The following DAGLB variants were observed in gnomAD, a reference collection of about 807,000 sequenced individuals.
DAGLB encodes the protein diacylglycerol lipase-beta.
A neutral mutation model predicts 72.1 loss-of-function variants in DAGLB; 66 were observed. The observed-to-expected ratio is 0.92, with a 90% CI of 0.75 to 1.12. The LOEUF (loss-of-function observed/expected upper bound fraction) is 1.12. Ranked by LOEUF, DAGLB falls within the 50% of genes most tolerant of loss-of-function variation. The pLI is 0.00. For synonymous variants in DAGLB, 414 were observed against 359.5 expected, an observed-to-expected ratio of 1.15 and a Z score of -1.71; for missense variants, 1,065 against 884.9, an observed-to-expected ratio of 1.20 and a Z score of -2.58.
intron 2 of DAGLB, among the ~76,000 whole-genome samples, chr7:6,445,189 C>A (rs1784958666): frequency 6.6e-6 from 1 of 152,162 alleles, no homozygotes; most frequent in Non-Finnish European, 1.5e-5. Flanking sequence ...ATGTTCATAG[C>A]TGCACTATTC....
intron 14 of DAGLB, 26 bp from the exon 15 acceptor site, chr7:6,410,061 C>A: frequency 6.2e-7 from 1 of 1,601,304 alleles, no homozygotes; most frequent in Non-Finnish European, 8.5e-7. Flanking sequence ...AGAGACAGCT[C>A]CCACGCGGCC....
At chr7:6,444,795 A>G (rs1461020364) in intron 2 of DAGLB, among the ~76,000 whole-genome samples, 1 of 152,112 alleles carries the variant, frequency 6.6e-6, no homozygotes, top group East Asian at 1.9e-4. Flanking sequence ...GGCCCCAGCT[A>G]TTCGGGAGGC....
At chr7:6,442,671 A>G (rs376440416) in intron 2 of DAGLB, among the ~76,000 whole-genome samples, 2 of 152,168 alleles carry the variant, frequency 1.3e-5, no homozygotes, top group South Asian at 2.1e-4. Flanking sequence ...TCTGGCACCA[A>G]TGACAGCCTA....
rs1783931063 is a variant in DAGLB, at chr7:6,416,743, C to T, written c.1311G>A (p.Leu437=). The change falls in exon 11 of 15, where the codon CTG becomes CTA. Residue 437 remains leucine (L), a synonymous_variant. Transcript: ENST00000297056. ...QAFSIAPEYR[L]VIVGHSLGGG... Reference sequence around the variant, plus strand: ...CCCCGAGGCTGTGGCCCACTATGACCAGCCGGTACTCCTAGAGGACAGACA... The same window carrying T: ...CCCCGAGGCTGTGGCCCACTATGACTAGCCGGTACTCCTAGAGGACAGACA... The T allele has an allele frequency of 1.2e-6, 2 of 1,613,754 alleles. No individual in the cohort carries two copies. Among genetic ancestry groups the T allele is most frequent in the East Asian group, 2.2e-5 (1 of 44,872 alleles).
rs1172733425 is a variant in DAGLB, at chr7:6,446,255, T to A, written c.96-151A>T. 1.3e-5 allele frequency: 8 copies of A among 600,880 alleles called. No homozygotes were observed. The Admixed American group carries it at 2.6e-4, about 20-fold the overall frequency. 37.2% of individuals were successfully genotyped at this position (600,880 alleles called of 1,614,324 possible). A position where few individuals can be genotyped will look rare whatever the true frequency, so the allele number is the denominator to read the frequency against. On this transcript the variant is annotated intron_variant, in intron 1 of 14. Transcript: ENST00000297056. The stretch of plus-strand genomic sequence containing the variant: ...AGGGTGAGGTGGGCGGATCACAAGG[T>A]CAGGAGATCGAGACCATCCTGATCA...
At chr7:6,444,692 A>C (rs1784939610) in intron 2 of DAGLB, among the ~76,000 whole-genome samples, 2 of 152,212 alleles carry the variant, frequency 1.3e-5, no homozygotes, top group Non-Finnish European at 2.9e-5. Flanking sequence ...AATGATACAC[A>C]AATGAGCAAT....
intron 6 of DAGLB, among the ~76,000 whole-genome samples, chr7:6,428,612 G>A (rs1275792710): frequency 2.0e-5 from 3 of 150,324 alleles, no homozygotes; most frequent in Non-Finnish European, 4.4e-5. Flanking sequence ...TCAACCTCCC[G>A]AGTAGCTGTG....
intron 8 of DAGLB, among the ~76,000 whole-genome samples, chr7:6,424,368 G>C (rs1273484940): frequency 6.6e-6 from 1 of 152,136 alleles, no homozygotes; most frequent in Non-Finnish European, 1.5e-5. Flanking sequence ...CCAGGGGCGT[G>C]ACTCTCTGCA....
chr7:6,430,282 T>TGC (rs1457236023), intron 6 of DAGLB, among the ~76,000 whole-genome samples, 198 bp downstream of exon 6: 1 of 105,798 alleles, frequency 9.5e-6, no homozygotes, highest in Non-Finnish European at 1.8e-5. Flanking sequence ...TATATATATA[T>TGC]GCAGGGGGGA....
chr7:6,432,508 A>T (rs1449698166), intron 5 of DAGLB, among the ~76,000 whole-genome samples: 1 of 150,978 alleles, frequency 6.6e-6, no homozygotes, highest in Non-Finnish European at 1.5e-5. Context: ...ATAAGAAAAA[A>T]AATTAGCCAG....
intron 6 of DAGLB, among the ~76,000 whole-genome samples, chr7:6,426,900 G>C (rs1378356061): frequency 2.0e-5 from 3 of 152,218 alleles, no homozygotes; most frequent in Non-Finnish European, 4.4e-5. Context: ...CTGAAGTCAG[G>C]AGTTCGAGAC....
intron 2 of DAGLB, among the ~76,000 whole-genome samples, chr7:6,440,513 G>C (rs566602188): frequency 6.6e-6 from 1 of 152,214 alleles, no homozygotes; most frequent in Non-Finnish European, 1.5e-5. Context: ...CTTTCAGAGA[G>C]GAGTATCAGC....
chr7:6,432,847 C>T lies in DAGLB; in HGVS notation c.791G>A (p.Gly264Glu). 1.9e-6 allele frequency: 3 copies of T among 1,613,680 alleles called. No homozygotes were observed. The highest frequency in any genetic ancestry group is 2.5e-6 in the Non-Finnish European group (3 of 1,179,936). ...EPAQVVCHAP[G>E]SSQEADLDAE... The stretch of plus-strand genomic sequence containing the variant: ...TGAAGCCAGGCTCACCTGGGAGCTC[C>T]CTGGGGCATGGCAGACCACCTGGGC... The change falls in exon 5 of 15, where the codon GGG (glycine) becomes GAG (glutamate). Residue 264 changes from glycine to glutamate, a missense_variant. By Grantham distance (98) the Gly-to-Glu change is moderately conservative. Coordinates refer to ENST00000297056, the MANE Select transcript of DAGLB (RefSeq NM_139179.4).
At chr7:6,439,692 C>G (rs560100677) in intron 2 of DAGLB, among the ~76,000 whole-genome samples, 9 of 152,226 alleles carry the variant, frequency 5.9e-5, no homozygotes, top group African/African-American at 2.2e-4. Flanking sequence ...TAAGGGTGGA[C>G]CATCTCCAAT....
chr7:6,439,429 T>C (rs1489822048), intron 2 of DAGLB, among the ~76,000 whole-genome samples: 1 of 152,134 alleles, frequency 6.6e-6, no homozygotes, highest in Non-Finnish European at 1.5e-5. Flanking sequence ...ACTGTCTTGG[T>C]TAAGTAACCC....
chr7:6,413,090 G>A (rs1487082409), intron 11 of DAGLB, 56 bp from the exon 12 acceptor site: 2 of 1,571,192 alleles, frequency 1.3e-6, no homozygotes, highest in Non-Finnish European at 1.7e-6. Context: ...GCCCACAAGG[G>A]CTTCCATGAA....
rs760232839 is a variant in DAGLB, at chr7:6,432,971, A to G, written c.679-12T>C. ...ACCAGATCTGTGTCCTGGGTGGGAA[A>G]CCACAATGGCCTGTCATAAAACCCA... On this transcript the variant is annotated splice_polypyrimidine_tract_variant and intron_variant, in intron 4 of 14. Transcript: ENST00000297056. 3.5e-5 allele frequency: 56 copies of G among 1,611,468 alleles called. No homozygotes were observed. In the South Asian group the frequency reaches 5.5e-4, roughly 16 times the overall value.
intron 1 of DAGLB, 85 bp downstream of exon 1, chr7:6,447,663 C>G: frequency 6.6e-7 from 1 of 1,506,314 alleles, no homozygotes; most frequent in Non-Finnish European, 8.9e-7. Context: ...GCTTGGGAAG[C>G]CACTTCTGTC....
chr7:6,410,058 G>T, intron 14 of DAGLB, 23 bp from the exon 15 acceptor site: 1 of 1,603,894 alleles, frequency 6.2e-7, no homozygotes, highest in Admixed American at 1.7e-5. Context: ...AGGAGAGACA[G>T]CTCCCACGCG....
Sources: allele counts gnomAD v4.1 joint callset (sites outside exome capture counted in the v4.1 genomes callset), GRCh38; gene constraint gnomAD v4.1.1; transcripts MANE v1.5; gene names NCBI Gene and HGNC (gene_info 2026-07-23, HGNC 2026-07-21).